ABI1: variants seen among roughly 807,000 people sequenced by gnomAD.
ABI1 encodes abl interactor 1.
ABI1 carries 14 observed loss-of-function variants against 54.6 expected under a neutral mutation model. That is an observed-to-expected ratio of 0.26 (90% CI 0.17 to 0.40). ABI1 has a LOEUF of 0.40. Ranked by LOEUF, ABI1 falls within the 10% of genes least tolerant of loss-of-function variation. The probability of loss-of-function intolerance (pLI) is 1.00; values close to 1 mark genes in which losing one functional copy is unlikely to be tolerated. For missense variants in ABI1, 443 were observed against 598.3 expected, an observed-to-expected ratio of 0.74 and a Z score of 2.71; for synonymous variants, 194 against 209.3, an observed-to-expected ratio of 0.93 and a Z score of 0.63.
intron 2 of ABI1, among the ~76,000 whole-genome samples, chr10:26,784,280 C>A (rs559102463): frequency 6.6e-6 from 1 of 152,222 alleles, no homozygotes; most frequent in African/African-American, 2.4e-5. Flanking sequence ...AAATCTCCCA[C>A]GTGAAACACC....
chr10:26,762,728 T>C (rs144486954), intron 7 of ABI1, among the ~76,000 whole-genome samples: 48 of 152,304 alleles, frequency 3.2e-4, no homozygotes, highest in African/African-American at 1.1e-3. Flanking sequence ...AAATAATGAA[T>C]AGAGCTCTGA....
intron 2 of ABI1, among the ~76,000 whole-genome samples, chr10:26,810,539 A>C (rs895771200): frequency 6.6e-6 from 1 of 152,242 alleles, no homozygotes; most frequent in Non-Finnish European, 1.5e-5. Flanking sequence ...ACAATCAGAG[A>C]GTACATCTTT....
chr10:26,821,772 C>A (rs1232074193), intron 2 of ABI1, among the ~76,000 whole-genome samples: 2 of 149,626 alleles, frequency 1.3e-5, no homozygotes, highest in African/African-American at 4.9e-5. Flanking sequence ...GCACTCCAGC[C>A]TGGGCAACAG....
At chr10:26,775,165 T>C (rs944969187) in intron 3 of ABI1, among the ~76,000 whole-genome samples, 1 of 152,126 alleles carries the variant, frequency 6.6e-6, no homozygotes, top group Non-Finnish European at 1.5e-5. Flanking sequence ...TACAATGCTC[T>C]GGAAATATTT....
chr10:26,768,355 G>A (rs1840219156), intron 6 of ABI1, among the ~76,000 whole-genome samples: 2 of 151,594 alleles, frequency 1.3e-5, no homozygotes, highest in Admixed American at 1.3e-4. Flanking sequence ...AAACCAGCCT[G>A]ACCAACATGC....
chr10:26,823,421 C>T, intron 1 of ABI1, 116 bp from the exon 2 acceptor site: 4 of 858,608 alleles, frequency 4.7e-6, no homozygotes, highest in Non-Finnish European at 6.5e-6. Flanking sequence ...AAAAAAAACT[C>T]ACTGTACCAA....
chr10:26,831,281 A>T (rs1332219778), intron 1 of ABI1, among the ~76,000 whole-genome samples: 2 of 151,950 alleles, frequency 1.3e-5, no homozygotes, highest in South Asian at 4.2e-4. Context: ...GGTGGTTCAC[A>T]TCTGTAATCC....
chr10:26,816,810 G>A (rs1276410102), intron 2 of ABI1, among the ~76,000 whole-genome samples: 1 of 151,986 alleles, frequency 6.6e-6, no homozygotes, highest in Non-Finnish European at 1.5e-5. Context: ...TGACTAGTAA[G>A]ATTGTTTTGT....
chr10:26,755,676 C>A lies in ABI1; in HGVS notation c.1063G>T (p.Val355Leu). ...TTACTGTTTTCCTGCACCCTGGCCA[C>A]GAAGCCTGTGAGAGGTATCTGTGGA... ...LTPQIPLTGF[V>L]ARVQENIADS... The change falls in exon 9 of 11, where the codon GTG (valine) becomes TTG (leucine). Residue 355 changes from valine (V) to leucine (L), a missense_variant. Transcript: ENST00000376140. The A allele has an allele frequency of 6.2e-7, 1 of 1,613,258 alleles. No individual in the cohort carries two copies.
chr10:26,860,719 G>T lies in ABI1; in HGVS notation c.117+28C>A. 1 of 1,595,416 alleles carries T rather than the reference G, an allele frequency of 6.3e-7. No individual in the cohort carries two copies. ...CTCCGGCGGGTCCTCGACCCGGCCA[G>T]CGCCCGCCGGCCGCCAGAGCGCCTC... On this transcript the variant is annotated intron_variant, in intron 1 of 10. Coordinates refer to ENST00000376140, the MANE Select transcript of ABI1 (RefSeq NM_001012750.3). The surrounding 1 kb of genome is among the most constrained non-coding windows in gnomAD (Gnocchi z 4.1).
At chr10:26,796,535 G>GT (rs1844191520) in intron 2 of ABI1, among the ~76,000 whole-genome samples, 1 of 151,004 alleles carries the variant, frequency 6.6e-6, no homozygotes, top group Non-Finnish European at 1.5e-5. Context: ...CTAGGTTTGC[G>GT]TAAGTACACT....
intron 2 of ABI1, among the ~76,000 whole-genome samples, chr10:26,794,484 C>T (rs565870406): frequency 1.3e-5 from 2 of 151,820 alleles, no homozygotes; most frequent in Non-Finnish European, 2.9e-5. Flanking sequence ...GAGTTGAGTT[C>T]AGGAACCAAA....
chr10:26,836,891 A>T (rs2049119619), intron 1 of ABI1, among the ~76,000 whole-genome samples: 1 of 152,204 alleles, frequency 6.6e-6, no homozygotes, highest in Non-Finnish European at 1.5e-5. Flanking sequence ...ATGGGAGGAG[A>T]AAGTACTTTC....
intron 2 of ABI1, among the ~76,000 whole-genome samples, chr10:26,784,456 C>T (rs1328734372): frequency 1.3e-5 from 2 of 152,104 alleles, no homozygotes; most frequent in Non-Finnish European, 2.9e-5. Flanking sequence ...TACTTGGAAC[C>T]CTAAGGCTTA....
At chr10:26,851,287 C>T (rs1381758611) in intron 1 of ABI1, among the ~76,000 whole-genome samples, 1 of 151,146 alleles carries the variant, frequency 6.6e-6, no homozygotes. Context: ...CCTCAAACTC[C>T]TGGGCTCAAG....
intron 1 of ABI1, among the ~76,000 whole-genome samples, chr10:26,851,903 G>A (rs1313591511): frequency 6.6e-6 from 1 of 152,190 alleles, no homozygotes; most frequent in African/African-American, 2.4e-5. Context: ...TTTGTGGTAA[G>A]TGGAAGAACA....
chr10:26,747,021 A>C lies in ABI1; in HGVS notation c.*1549T>G, dbSNP rs370510365. 2.6e-5 allele frequency: 6 copies of C among 226,802 alleles called. No homozygotes were observed. Among genetic ancestry groups the C allele is most frequent in the African/African-American group, 1.1e-4 (5 of 44,446 alleles). The allele number at this position is 226,802 out of a possible 1,614,324, so 14.0% of individuals were successfully genotyped here. ...AGGTAGCTAGCTGATCACTAATGAT[A>C]CTTTGTTTGTTTAAAATTAACAAAG... On this transcript the variant is annotated 3_prime_UTR_variant, in exon 11 of 11. Transcript: ENST00000376140.
intron 2 of ABI1, among the ~76,000 whole-genome samples, chr10:26,791,062 C>T (rs1843365575): frequency 8.5e-6 from 1 of 117,418 alleles, no homozygotes; most frequent in Non-Finnish European, 1.6e-5. Flanking sequence ...GAGTAAGATT[C>T]CGTCTCAAAA....
intron 9 of ABI1, among the ~76,000 whole-genome samples, chr10:26,755,446 T>A (rs1049671658): frequency 2.6e-5 from 4 of 152,102 alleles, no homozygotes; most frequent in African/African-American, 9.7e-5. Context: ...CATAAGAAAA[T>A]TGCAGCTTTG....
Sources: allele counts gnomAD v4.1 joint callset (sites outside exome capture counted in the v4.1 genomes callset), GRCh38; gene constraint gnomAD v4.1.1; non-coding constraint Gnocchi (gnomAD v3.1); transcripts MANE v1.5; gene names NCBI Gene and HGNC (gene_info 2026-07-23, HGNC 2026-07-21).